The following NUP98 variants were observed in gnomAD, a reference collection of about 807,000 sequenced individuals.
The protein encoded by NUP98 is nuclear pore complex protein Nup98-Nup96.
NUP98 carries 26 observed loss-of-function variants against 191.9 expected under a neutral mutation model. The observed-to-expected ratio is 0.14, with a 90% confidence interval of 0.10 to 0.19. NUP98 has a LOEUF of 0.19. NUP98 is among the 10% of genes least tolerant of loss of function. The pLI, the probability that NUP98 is intolerant of heterozygous loss-of-function variation, is 1.00. For synonymous variants in NUP98, 808 were observed against 778.4 expected, an observed-to-expected ratio of 1.04 and a Z score of -0.63; for missense variants, 1,941 against 2,178.8, an observed-to-expected ratio of 0.89 and a Z score of 2.17.
chr11:3,765,652 T>A (rs2081311498), intron 8 of NUP98, among the ~76,000 whole-genome samples: 1 of 151,822 alleles, frequency 6.6e-6, no homozygotes, highest in Admixed American at 6.6e-5. Context: ...TATAAAAAAA[T>A]TAGCCGGGCA....
chr11:3,755,065 T>C (rs950045424), intron 10 of NUP98, among the ~76,000 whole-genome samples: 9 of 151,672 alleles, frequency 5.9e-5, no homozygotes, highest in Non-Finnish European at 8.8e-5. Context: ...TAAATAAATA[T>C]CAACAAAACA....
chr11:3,700,960 A>C (rs2078658275), intron 23 of NUP98, 121 bp from the exon 24 acceptor site: 1 of 707,260 alleles, frequency 1.4e-6, no homozygotes, highest in Non-Finnish European at 2.3e-6. Context: ...ATTTCACTGT[A>C]GTTTTAAAGA....
At chr11:3,765,080 A>T (rs1043340224) in intron 8 of NUP98, among the ~76,000 whole-genome samples, 7 of 152,210 alleles carry the variant, frequency 4.6e-5, no homozygotes, top group African/African-American at 1.7e-4. Flanking sequence ...AGAGTTATTT[A>T]TACATCCTGG....
chr11:3,744,517 G>A lies in NUP98; in HGVS notation c.1400C>T (p.Ala467Val). The change falls in exon 12 of 33, where the codon GCC becomes GTC. Residue 467 changes from alanine to valine, a missense_variant. By Grantham distance (64) the Ala-to-Val change is moderately conservative. This residue lies in a region of NUP98 where 453 missense variants were observed against 438.2 expected (regional missense o/e 1.03). Transcript: ENST00000324932. ...TATLGFGAPQ[A>V]PVALTDPNAS... The stretch of plus-strand genomic sequence containing the variant: ...AAGTGACTGACACTTACCTACTGGG[G>A]CCTGGGGGGCTCCAAAGCCCAAAGT... 2 of 1,611,972 alleles carry A rather than the reference G, an allele frequency of 1.2e-6. No homozygotes were observed. The highest frequency in any genetic ancestry group is 1.7e-6 in the Non-Finnish European group (2 of 1,179,252).
chr11:3,784,125 GTCTTT>G (rs1382267222), intron 1 of NUP98, among the ~76,000 whole-genome samples: 1 of 152,168 alleles, frequency 6.6e-6, no homozygotes, highest in African/African-American at 2.4e-5. Context: ...GTAAAGAGTA[GTCTTT>G]TCTTCTAGGA....
At chr11:3,736,076 T>A (rs1342304534) in intron 12 of NUP98, among the ~76,000 whole-genome samples, 3 of 129,506 alleles carry the variant, frequency 2.3e-5, no homozygotes, top group Non-Finnish European at 4.8e-5. Context: ...ACAGCTAATT[T>A]TGTGTGTGTG....
chr11:3,794,094 T>C (rs985200784), intron 1 of NUP98, among the ~76,000 whole-genome samples: 5 of 152,220 alleles, frequency 3.3e-5, no homozygotes, highest in African/African-American at 1.2e-4. Context: ...GGATGTGTTA[T>C]GGGTATCTAA....
At chr11:3,734,832 C>T (rs983169041) in intron 13 of NUP98, among the ~76,000 whole-genome samples, 4 of 152,076 alleles carry the variant, frequency 2.6e-5, no homozygotes, top group East Asian at 1.9e-4. Flanking sequence ...GTTGGGAGAC[C>T]GAGGCGGGAG....
At chr11:3,780,347 G>A (rs547984873) in intron 2 of NUP98, among the ~76,000 whole-genome samples, 4 of 148,890 alleles carry the variant, frequency 2.7e-5, no homozygotes, top group East Asian at 2.0e-4. Context: ...TGGCTAACAC[G>A]GTGAAACCCT....
At chr11:3,796,092 C>T (rs567127427) in intron 1 of NUP98, among the ~76,000 whole-genome samples, 1 of 152,324 alleles carries the variant, frequency 6.6e-6, no homozygotes, top group African/African-American at 2.4e-5. Flanking sequence ...ACCCAGTTAA[C>T]TCGAGTTTCT....
At chr11:3,775,405 G>A (rs1192024118) in intron 5 of NUP98, among the ~76,000 whole-genome samples, 2 of 151,926 alleles carry the variant, frequency 1.3e-5, no homozygotes, top group Non-Finnish European at 1.5e-5. Context: ...GTATGGTGGT[G>A]GACTCTTGTA....
At position 3,749,239 on chromosome 11, in the gene NUP98, C is replaced by T. The variant is rs59698274; in HGVS notation, c.1267+4077G>A. On this transcript the variant is annotated intron_variant, in intron 11 of 32. Transcript: ENST00000324932. ...AGGAGAATGGCGTGAACCCGGGAAG[C>T]GGAGCTTGCAGTGAGCCGAGATTGC... 3.1e-3 allele frequency among the ~76,000 whole-genome samples: 477 copies of T among 151,758 alleles called. 3 individuals are homozygous for T. The highest frequency in any genetic ancestry group is 0.011 in the African/African-American group (448 of 41,366).
At chr11:3,689,941 T>C (rs1198123392) in intron 28 of NUP98, among the ~76,000 whole-genome samples, 1 of 61,228 alleles carries the variant, frequency 1.6e-5, no homozygotes, top group Non-Finnish European at 3.2e-5. Flanking sequence ...CTGGCCTGCA[T>C]TTTTTTTTTT....
chr11:3,687,265 T>A (rs974293843), intron 28 of NUP98, among the ~76,000 whole-genome samples: 2 of 152,160 alleles, frequency 1.3e-5, no homozygotes, highest in Non-Finnish European at 2.9e-5. Flanking sequence ...TCAGAGTTCT[T>A]GATGTATTCC....
intron 10 of NUP98, among the ~76,000 whole-genome samples, chr11:3,755,146 C>T (rs1253991984): frequency 6.6e-6 from 1 of 151,914 alleles, no homozygotes; most frequent in Non-Finnish European, 1.5e-5. Flanking sequence ...GTTTGCAGAA[C>T]ATATGAAGTC....
intron 31 of NUP98, 71 bp from the exon 32 acceptor site, chr11:3,676,691 A>G (rs1421864513): frequency 8.4e-7 from 1 of 1,190,052 alleles, no homozygotes; most frequent in African/African-American, 1.5e-5. Flanking sequence ...TATAGACTCT[A>G]CACAAAACCT....
At position 3,760,570 on chromosome 11, in the gene NUP98, A is replaced by G; in HGVS notation, c.1143T>C (p.Pro381=). ...TTFGSSTTSA[P]SFGTTSGGLF... is the part of the protein sequence containing the mutation. ...GCCCGCCACTGGTTGTACCAAATGA[A>G]GGTGCACTGGTTGTGCTGCTTCCAA... The change falls in exon 10 of 33, where the codon CCT becomes CCC. Residue 381 remains proline, a synonymous_variant. Transcript: ENST00000324932. The G allele has an allele frequency of 6.2e-7, 1 of 1,614,038 alleles. No individual in the cohort carries two copies. The highest frequency in any genetic ancestry group is 8.5e-7 in the Non-Finnish European group (1 of 1,179,900).
At chr11:3,715,790 ATT>A (rs34966066) in intron 18 of NUP98, among the ~76,000 whole-genome samples, 1 of 151,246 alleles carries the variant, frequency 6.6e-6, no homozygotes, top group South Asian at 2.1e-4. Flanking sequence ...ACTACTTAAA[ATT>A]TTTTTTTGTA....
intron 11 of NUP98, among the ~76,000 whole-genome samples, chr11:3,750,178 G>A (rs534048435): frequency 5.3e-5 from 8 of 152,230 alleles, no homozygotes; most frequent in Middle Eastern, 3.4e-3. Context: ...GGAGTGCAGC[G>A]GAATGATCAC....
Sources: gnomAD v4.1 joint callset for allele counts (sites outside exome capture counted in the v4.1 genomes callset) on GRCh38, gnomAD v4.1.1 for gene constraint, gnomAD v4.1.1 regional missense constraint, MANE v1.5 for transcripts, NCBI Gene and HGNC (gene_info 2026-07-23, HGNC 2026-07-21) for gene names.